ACTN4: variants seen among roughly 807,000 people sequenced by gnomAD.
ACTN4 encodes the protein alpha-actinin-4.
A neutral mutation model predicts 114.2 loss-of-function variants in ACTN4; 18 were observed. The observed-to-expected ratio is 0.16, with a 90% CI of 0.11 to 0.23. ACTN4 has a LOEUF of 0.23. ACTN4 is among the 10% of genes least tolerant of loss of function. The pLI is 1.00. For missense variants in ACTN4, 722 were observed against 1,262.9 expected, an observed-to-expected ratio of 0.57 and a Z score of 6.49; for synonymous variants, 515 against 506.3, an observed-to-expected ratio of 1.02 and a Z score of -0.23.
chr19:38,687,647 A>C (rs1427007605), intron 1 of ACTN4, among the ~76,000 whole-genome samples: 1 of 152,256 alleles, frequency 6.6e-6, no homozygotes, highest in Non-Finnish European at 1.5e-5. Context: ...AACGGATCAG[A>C]TACCTAAATG....
At position 38,706,033 on chromosome 19, in the gene ACTN4, G is replaced by C. The variant is rs1326506594; in HGVS notation, c.485-11G>C. ...TTGAGCCAGTGCTCACTGTCTTTGT[G>C]TGTTTTGCAGAGACCTCGGCCAAGG... On this transcript the variant is annotated splice_polypyrimidine_tract_variant and intron_variant, in intron 4 of 20. Transcript: ENST00000252699. The C allele has an allele frequency of 6.2e-7, 1 of 1,613,928 alleles. No individual in the cohort carries two copies. Among genetic ancestry groups the C allele is most frequent in the Non-Finnish European group, 8.5e-7 (1 of 1,179,828 alleles).
intron 1 of ACTN4, among the ~76,000 whole-genome samples, chr19:38,669,157 T>G (rs1382111826): frequency 6.6e-6 from 1 of 152,148 alleles, no homozygotes; most frequent in Admixed American, 6.5e-5. Context: ...CAGCTAATTT[T>G]TGTATTTTTA....
intron 8 of ACTN4, chr19:38,711,412 C>A: frequency 2.2e-6 from 2 of 911,888 alleles, no homozygotes; most frequent in Non-Finnish European, 2.6e-6. Context: ...CCTGCCTTCA[C>A]CACCGCCCTT....
intron 1 of ACTN4, among the ~76,000 whole-genome samples, chr19:38,666,176 C>T (rs1024507410): frequency 9.2e-5 from 14 of 152,106 alleles, no homozygotes; most frequent in African/African-American, 2.9e-4. Context: ...CGCGCCCCCC[C>T]CTTTCCTGGG....
intron 1 of ACTN4, among the ~76,000 whole-genome samples, chr19:38,661,673 G>C (rs1976889973): frequency 6.6e-6 from 1 of 151,960 alleles, no homozygotes; most frequent in South Asian, 2.1e-4. Flanking sequence ...TTTATTTTGA[G>C]ACGGAGTCTC....
At chr19:38,705,429 C>T (rs1968424701) in intron 4 of ACTN4, among the ~76,000 whole-genome samples, 1 of 152,222 alleles carries the variant, frequency 6.6e-6, no homozygotes, top group South Asian at 2.1e-4. Flanking sequence ...TGAGCTCAGG[C>T]CGTCCAGGAA....
Position 38,656,247 on chromosome 19 carries a change from G to A in ACTN4, c.162+8340G>A, listed in dbSNP as rs143811069. On this transcript the variant is annotated intron_variant, in intron 1 of 20. Coordinates refer to ENST00000252699, the MANE Select transcript of ACTN4 (RefSeq NM_004924.6). ...CCCACCTCAGCTTCCCAAGTAGCTG[G>A]GACTAGAGGTGCACACCACCACGCC... Among the ~76,000 whole-genome samples, 1,152 of 152,198 alleles carry A rather than the reference G, an allele frequency of 7.6e-3. 10 individuals are homozygous for A. The highest frequency in any genetic ancestry group is 0.023 in the African/African-American group (969 of 41,530).
chr19:38,728,407 C>CTGGTATGCAGCT, intron 19 of ACTN4: 1 of 1,336,586 alleles, frequency 7.5e-7, no homozygotes, highest in South Asian at 1.2e-5. Context: ...TCCCCAGCCA[C>CTGGTATGCAGCT]CCGCTCCTCC....
At chr19:38,692,418 T>G (rs1967960227) in intron 1 of ACTN4, among the ~76,000 whole-genome samples, 1 of 152,262 alleles carries the variant, frequency 6.6e-6, no homozygotes, top group Non-Finnish European at 1.5e-5. Context: ...TCTTTCAACC[T>G]GCTTCCTGGC....
rs1297483059 is a variant in ACTN4, at chr19:38,729,804, C to T, written c.*372C>T. On this transcript the variant is annotated 3_prime_UTR_variant, in exon 21 of 21. Transcript: ENST00000252699. ...TTGCTCTGAGGTCCCTTCAAGGCCTCCCCAATCCAGGCCAAAGCCCCATGT... is the reference window on the plus strand; with the variant it reads ...TTGCTCTGAGGTCCCTTCAAGGCCTTCCCAATCCAGGCCAAAGCCCCATGT... 3 of 434,706 alleles carry T rather than the reference C, an allele frequency of 6.9e-6. No homozygotes were observed. Among genetic ancestry groups the T allele is most frequent in the South Asian group, 3.5e-5 (2 of 56,842 alleles). The allele number at this position is 434,706 out of a possible 1,614,324, so 26.9% of individuals were successfully genotyped here. A position where few individuals can be genotyped will look rare whatever the true frequency, so the allele number is the denominator to read the frequency against.
intron 7 of ACTN4, 135 bp from the exon 8 acceptor site, chr19:38,710,122 C>A: frequency 1.1e-6 from 1 of 895,552 alleles, no homozygotes; most frequent in Non-Finnish European, 1.9e-6. Context: ...TGTGGCTGAG[C>A]CCACCCAAGT....
Position 38,717,039 on chromosome 19 carries a change from C to T in ACTN4, c.913-47C>T, listed in dbSNP as rs569030532. 1.3e-6 allele frequency: 2 copies of T among 1,576,102 alleles called. No homozygotes were observed. The highest frequency in any genetic ancestry group is 2.3e-5 in the East Asian group (1 of 43,086). On this transcript the variant is annotated intron_variant, in intron 9 of 20. Coordinates refer to ENST00000252699, the MANE Select transcript of ACTN4 (RefSeq NM_004924.6). The surrounding 1 kb of genome is among the most constrained non-coding windows in gnomAD (Gnocchi z 4.0). ...TAAGCTGGGGGGCAGCCCGTCAGCA[C>T]TCTGAGGGTCCCCCACAAAGGCCAC...
chr19:38,722,101 G>T (rs779650809), intron 12 of ACTN4, among the ~76,000 whole-genome samples: 58 of 152,294 alleles, frequency 3.8e-4, no homozygotes, highest in Non-Finnish European at 7.1e-4. Flanking sequence ...GTTCTGCTCG[G>T]CCCCTTCCCT....
chr19:38,698,385 G>A (rs561860975), intron 1 of ACTN4, among the ~76,000 whole-genome samples: 2 of 152,308 alleles, frequency 1.3e-5, no homozygotes, highest in East Asian at 3.9e-4. Context: ...AGTATTGTAT[G>A]GGGGAGGCTG....
chr19:38,647,669 A>AGCG lies in ACTN4; in HGVS notation c.-68_-66dup. 4 of 1,475,302 alleles carry AGCG rather than the reference A, an allele frequency of 2.7e-6. No individual in the cohort carries two copies. The highest frequency in any genetic ancestry group is 2.4e-4 in the Middle Eastern group (1 of 4,240). 91.4% of individuals were successfully genotyped at this position (1,475,302 alleles called of 1,614,324 possible). ...GGGCTGAAGCAGCTGAAGCGGCGGT[A>AGCG]GCGGCGGCGGCTCGGGCAGAGGGGC... On this transcript the variant is annotated 5_prime_UTR_variant, in exon 1 of 21. Coordinates refer to ENST00000252699, the MANE Select transcript of ACTN4 (RefSeq NM_004924.6).
intron 1 of ACTN4, among the ~76,000 whole-genome samples, chr19:38,679,141 G>A (rs1568695987): frequency 1.3e-5 from 2 of 152,222 alleles, no homozygotes; most frequent in Admixed American, 6.5e-5. Flanking sequence ...AAAAAGACAC[G>A]TGCTTGGCTA....
intron 17 of ACTN4, 66 bp downstream of exon 17, chr19:38,725,969 C>T (rs1225518830): frequency 2.7e-5 from 42 of 1,582,624 alleles, no homozygotes; most frequent in Non-Finnish European, 3.5e-5. Context: ...GGAAATGGTT[C>T]GGGCCAGTGA....
chr19:38,725,742 A>C lies in ACTN4; in HGVS notation c.2029A>C (p.Ile677Leu), dbSNP rs1382246597. 6.2e-7 allele frequency: 1 copy of C among 1,613,966 alleles called. No homozygotes were observed. The highest frequency in any genetic ancestry group is 8.5e-7 in the Non-Finnish European group (1 of 1,179,994). The change falls in exon 17 of 21, where the codon ATT becomes CTT. Residue 677 changes from isoleucine (I) to leucine (L), a missense_variant. By Grantham distance (5) the Ile-to-Leu change is conservative. Around this residue, in one of 3 missense-constraint regions of ACTN4, gnomAD observed 523 missense variants for 875.9 expected, o/e 0.60. Coordinates refer to ENST00000252699, the MANE Select transcript of ACTN4 (RefSeq NM_004924.6). ...TKMEEIGRIS[I>L]EMNGTLEDQL... The stretch of plus-strand genomic sequence containing the variant: ...CCCGTAGGAGATCGGGCGCATCTCC[A>C]TTGAGATGAACGGGACCCTGGAGGA...
chr19:38,721,767 G>A, intron 12 of ACTN4, 79 bp downstream of exon 12: 2 of 1,584,188 alleles, frequency 1.3e-6, no homozygotes, highest in Non-Finnish European at 1.7e-6. Flanking sequence ...GCACGCCGAG[G>A]CCCAGCCTGC....
Sources: gnomAD v4.1 joint callset for allele counts (sites outside exome capture counted in the v4.1 genomes callset) on GRCh38, gnomAD v4.1.1 for gene constraint, gnomAD v4.1.1 regional missense constraint, Gnocchi (gnomAD v3.1) non-coding constraint, MANE v1.5 for transcripts, NCBI Gene and HGNC (gene_info 2026-07-23, HGNC 2026-07-21) for gene names.